The following BAZ1A variants were observed in gnomAD, a reference collection of about 807,000 sequenced individuals.
BAZ1A encodes the protein bromodomain adjacent to zinc finger domain protein 1A.
BAZ1A carries 50 observed loss-of-function variants against 185.2 expected under a neutral mutation model. The ratio of observed to expected loss-of-function variants is 0.27; its 90% CI spans 0.22 to 0.34. The LOEUF (loss-of-function observed/expected upper bound fraction) is 0.34, where lower values mean the gene tolerates loss of function less well. Among genes scored for constraint, BAZ1A ranks in the 10% least tolerant of loss-of-function variants. The pLI is 1.00. For missense variants in BAZ1A, 1,356 were observed against 1,839.9 expected, an observed-to-expected ratio of 0.74 and a Z score of 4.81; for synonymous variants, 571 against 615.6, an observed-to-expected ratio of 0.93 and a Z score of 1.07.
At chr14:34,811,559 CCA>C (rs1440578372) in intron 4 of BAZ1A, among the ~76,000 whole-genome samples, 12 of 152,032 alleles carry the variant, frequency 7.9e-5, no homozygotes, top group African/African-American at 2.9e-4. Flanking sequence ...CTCCTGGCCC[CCA>C]GAGATCCTCC....
intron 6 of BAZ1A, among the ~76,000 whole-genome samples, 191 bp from the exon 7 acceptor site, chr14:34,803,179 G>C (rs930951316): frequency 1.3e-5 from 2 of 152,228 alleles, no homozygotes; most frequent in African/African-American, 4.8e-5. Context: ...AAGAGATCGA[G>C]ACCATCCTGC....
chr14:34,793,635 C>T (rs559995010), intron 11 of BAZ1A, among the ~76,000 whole-genome samples: 7 of 152,084 alleles, frequency 4.6e-5, no homozygotes, highest in Non-Finnish European at 1.0e-4. Flanking sequence ...GGTGAAACCT[C>T]ATCTCTACTA....
At chr14:34,831,981 G>C (rs917087678) in intron 3 of BAZ1A, among the ~76,000 whole-genome samples, 121 of 151,952 alleles carry the variant, frequency 8.0e-4, no homozygotes, top group African/African-American at 2.8e-3. Context: ...GATGGCTTGA[G>C]CCCAGAAGTT....
At chr14:34,757,889 G>A (rs1298560781) in intron 25 of BAZ1A, among the ~76,000 whole-genome samples, 1 of 150,676 alleles carries the variant, frequency 6.6e-6, no homozygotes, top group African/African-American at 2.4e-5. Context: ...GGGGACTACA[G>A]GCGCCTGCCA....
rs1049291500 is a variant in BAZ1A, at chr14:34,864,015, G to A, written c.114-1693C>T. ...ATTTTTTTGAGAGTGTAGAGATGGG[G>A]TCTCACTATGTTGCCCAGGATGGTC... is the stretch of plus-strand genomic sequence containing the variant. On this transcript the variant is annotated intron_variant, in intron 2 of 26. Transcript: ENST00000360310. 3.3e-5 allele frequency among the ~76,000 whole-genome samples: 5 copies of A among 151,736 alleles called. No homozygotes were observed. In the East Asian group the frequency reaches 7.8e-4, roughly 24 times the overall value.
At chr14:34,793,617 G>A (rs532060353) in intron 11 of BAZ1A, among the ~76,000 whole-genome samples, 1 of 152,272 alleles carries the variant, frequency 6.6e-6, no homozygotes, top group Admixed American at 6.5e-5. Context: ...GACCATCCTG[G>A]CTAACATGGT....
chr14:34,868,924 GTGTA>G (rs1429240543), intron 2 of BAZ1A, among the ~76,000 whole-genome samples: 24 of 149,980 alleles, frequency 1.6e-4, no homozygotes, highest in Admixed American at 2.7e-4. Context: ...GTGTGTGTGT[GTGTA>G]TAATACATGT....
At chr14:34,864,497 T>A (rs1426061742) in intron 2 of BAZ1A, among the ~76,000 whole-genome samples, 2 of 151,264 alleles carry the variant, frequency 1.3e-5, no homozygotes, top group Admixed American at 1.3e-4. Flanking sequence ...AATAATTTTT[T>A]TTAAATGGAG....
intron 25 of BAZ1A, among the ~76,000 whole-genome samples, chr14:34,755,189 T>G (rs372127032): frequency 1.3e-5 from 2 of 152,180 alleles, no homozygotes; most frequent in East Asian, 1.9e-4. Context: ...TTATTGCATT[T>G]GTAATAATGA....
chr14:34,758,431 T>C, intron 25 of BAZ1A: 1 of 275,828 alleles, frequency 3.6e-6, no homozygotes, highest in Non-Finnish European at 6.9e-6. Context: ...AATAGAAATA[T>C]TAGCCGGGTG....
At position 34,800,124 on chromosome 14, in the gene BAZ1A, A is replaced by G. The variant is rs1016757598; in HGVS notation, c.1128+100T>C. On this transcript the variant is annotated intron_variant, in intron 9 of 26. Coordinates refer to ENST00000360310, the MANE Select transcript of BAZ1A (RefSeq NM_013448.3). ...TTTCTATGCACATTCATAAATGTGA[A>G]TGAAAGTAGTAAAAGCATTTAAAAA... 7.0e-6 allele frequency: 8 copies of G among 1,143,020 alleles called. No individual in the cohort carries two copies. The Admixed American group carries it at 2.5e-4, about 36-fold the overall frequency. 70.8% of individuals were successfully genotyped at this position (1,143,020 alleles called of 1,614,324 possible).
At position 34,827,999 on chromosome 14, in the gene BAZ1A, A is replaced by G. The variant is rs79689993; in HGVS notation, c.393-1843T>C. Among the ~76,000 whole-genome samples the G allele has an allele frequency of 6.9e-3, 1,042 of 151,656 alleles. 13 individuals are homozygous for G. The highest frequency in any genetic ancestry group is 0.024 in the African/African-American group (1,002 of 41,348). On this transcript the variant is annotated intron_variant, in intron 3 of 26. Transcript: ENST00000360310. ...TTTAGACTCATTCAACCACAATTAAAATATTCCTTAATCGGCCGGGTGTGG... is the reference window on the plus strand; with the variant it reads ...TTTAGACTCATTCAACCACAATTAAGATATTCCTTAATCGGCCGGGTGTGG...
At chr14:34,783,997 T>C in intron 14 of BAZ1A, 70 bp from the exon 15 acceptor site, 1 of 1,365,148 alleles carries the variant, frequency 7.3e-7, no homozygotes, top group Non-Finnish European at 9.8e-7. Context: ...ACTTTTTAAA[T>C]TTGTGGCTCA....
At position 34,764,762 on chromosome 14, in the gene BAZ1A, C is replaced by T. The variant is rs556570861; in HGVS notation, c.3721G>A (p.Glu1241Lys). The change falls in exon 23 of 27, where the codon GAA becomes AAA. Residue 1241 changes from glutamate (E) to lysine (K), a missense_variant. This residue lies in a region of BAZ1A where 309 missense variants were observed against 355.3 expected (regional missense o/e 0.87). Coordinates refer to ENST00000360310, the MANE Select transcript of BAZ1A (RefSeq NM_013448.3). ...GDEEEGQSEE[E>K]EYEVEQDEDD... ...TCATCTTGTTCTACCTCATACTCTT[C>T]CTCCTCACTTTGACCTTCTTCTTCA... The T allele has an allele frequency of 1.6e-5, 26 of 1,608,510 alleles. No homozygotes were observed. The highest frequency in any genetic ancestry group is 2.7e-5 in the African/African-American group (2 of 74,938).
chr14:34,792,609 T>A (rs1234888999), intron 12 of BAZ1A, among the ~76,000 whole-genome samples, 166 bp downstream of exon 12: 1 of 152,156 alleles, frequency 6.6e-6, no homozygotes, highest in East Asian at 1.9e-4. Flanking sequence ...AAAACAAAAT[T>A]TTTGTAACAT....
intron 4 of BAZ1A, among the ~76,000 whole-genome samples, chr14:34,818,644 C>T (rs2042040485): frequency 6.6e-6 from 1 of 152,002 alleles, no homozygotes; most frequent in South Asian, 2.1e-4. Context: ...ATAAATAATT[C>T]ATAAGTTTTA....
chr14:34,782,636 T>C (rs56142207), intron 16 of BAZ1A, among the ~76,000 whole-genome samples: 1,747 of 152,318 alleles, frequency 0.011, 16 homozygotes, highest in Non-Finnish European at 0.017. Flanking sequence ...TATACACAAG[T>C]ATTAAAAAGT....
At chr14:34,830,439 A>T (rs1187321497) in intron 3 of BAZ1A, among the ~76,000 whole-genome samples, 2 of 151,822 alleles carry the variant, frequency 1.3e-5, no homozygotes, top group African/African-American at 4.8e-5. Flanking sequence ...AGAAATCTGG[A>T]TATTTATATT....
intron 4 of BAZ1A, among the ~76,000 whole-genome samples, chr14:34,820,324 G>C (rs1184089397): frequency 6.6e-6 from 1 of 151,906 alleles, no homozygotes; most frequent in African/African-American, 2.4e-5. Flanking sequence ...AGAGATGGGG[G>C]TTTCACTATG....
Sources: allele counts gnomAD v4.1 joint callset (sites outside exome capture counted in the v4.1 genomes callset), GRCh38; gene constraint gnomAD v4.1.1; regional missense constraint gnomAD v4.1.1; transcripts MANE v1.5; gene names NCBI Gene and HGNC (gene_info 2026-07-23, HGNC 2026-07-21).